Variants in CNTNAP2 observed in about 807,000 individuals in gnomAD.
CNTNAP2 encodes contactin-associated protein-like 2.
In CNTNAP2, 98 loss-of-function variants were observed where a neutral mutation model predicts 155.2. That is an observed-to-expected ratio of 0.63 (90% confidence interval 0.54 to 0.75). The LOEUF (loss-of-function observed/expected upper bound fraction) is 0.75. Among genes scored for constraint, CNTNAP2 ranks in the 30% least tolerant of loss-of-function variants. CNTNAP2 has a pLI of 0.00. For missense variants in CNTNAP2, 1,727 were observed against 1,688.1 expected, an observed-to-expected ratio of 1.02 and a Z score of -0.40; for synonymous variants, 651 against 631.2, an observed-to-expected ratio of 1.03 and a Z score of -0.47.
intron 1 of CNTNAP2, among the ~76,000 whole-genome samples, chr7:146,670,797 T>C (rs965479): frequency 0.091 from 13,819 of 152,174 alleles, 1,930 homozygotes; most frequent in African/African-American, 0.3. Context: ...ATTCTCACTA[T>C]AGTCATAGCT....
chr7:147,050,745 C>T (rs748980486), intron 4 of CNTNAP2, among the ~76,000 whole-genome samples: 8 of 152,114 alleles, frequency 5.3e-5, no homozygotes, highest in Non-Finnish European at 7.4e-5. Flanking sequence ...GTTCTGCAAT[C>T]TTAAGATGAA....
intron 3 of CNTNAP2, among the ~76,000 whole-genome samples, chr7:146,883,684 TATA>T (rs1795599005): frequency 6.6e-6 from 1 of 152,126 alleles, no homozygotes; most frequent in Non-Finnish European, 1.5e-5. Context: ...CTTGTTAGGT[TATA>T]ATAAATGTAC....
At chr7:146,760,409 CTTTTTTTTTTTTTTTTTTTTT>C (rs532820418) in intron 1 of CNTNAP2, among the ~76,000 whole-genome samples, 1 of 56,276 alleles carries the variant, frequency 1.8e-5, no homozygotes, top group Non-Finnish European at 3.0e-5. Context: ...TCCAATTTAC[CTTTTTTTTTTTTTTTTTTTTT>C]TTTTTTTTTT....
At chr7:146,402,177 C>A (rs1795724211) in intron 1 of CNTNAP2, among the ~76,000 whole-genome samples, 1 of 152,068 alleles carries the variant, frequency 6.6e-6, no homozygotes, top group Admixed American at 6.6e-5. Flanking sequence ...AGTGTGCGTT[C>A]ATTTCATGCT....
At chr7:146,631,053 AAAAC>A (rs1251642815) in intron 1 of CNTNAP2, among the ~76,000 whole-genome samples, 1 of 152,156 alleles carries the variant, frequency 6.6e-6, no homozygotes, top group Non-Finnish European at 1.5e-5. Context: ...AATTAGAAAA[AAAAC>A]TACTTTAAAT....
At chr7:147,564,601 AAAG>A (rs1159457569) in intron 12 of CNTNAP2, among the ~76,000 whole-genome samples, 1 of 152,162 alleles carries the variant, frequency 6.6e-6, no homozygotes, top group African/African-American at 2.4e-5. Context: ...AATTCATCTC[AAAG>A]GAAATTAGAA....
chr7:147,536,089 C>CT (rs1384766972), intron 11 of CNTNAP2, among the ~76,000 whole-genome samples: 1 of 152,198 alleles, frequency 6.6e-6, no homozygotes, highest in Non-Finnish European at 1.5e-5. Flanking sequence ...GTGGCAGGAA[C>CT]TAAGCTACCC....
chr7:146,778,789 A>C (rs1308963779), intron 2 of CNTNAP2, among the ~76,000 whole-genome samples: 1 of 152,196 alleles, frequency 6.6e-6, no homozygotes, highest in Non-Finnish European at 1.5e-5. Flanking sequence ...TCTTCTGCCA[A>C]ACTTTCAACC....
chr7:146,648,361 C>G (rs1287474670), intron 1 of CNTNAP2, among the ~76,000 whole-genome samples: 1 of 152,046 alleles, frequency 6.6e-6, no homozygotes, highest in African/African-American at 2.4e-5. Context: ...AATGACTTTT[C>G]TCTTTGTAGT....
At chr7:147,729,407 C>T (rs10255542) in intron 13 of CNTNAP2, among the ~76,000 whole-genome samples, 56,844 of 116,846 alleles carry the variant, frequency 0.49, 13,101 homozygotes, top group African/African-American at 0.69. Flanking sequence ...AGAAAACATG[C>T]ACACACACGC....
chr7:146,218,692 C>A (rs547845669), intron 1 of CNTNAP2, among the ~76,000 whole-genome samples: 2 of 152,224 alleles, frequency 1.3e-5, no homozygotes, highest in South Asian at 4.1e-4. Context: ...TAGTCTAACA[C>A]TTCAAATGTG....
chr7:147,008,468 A>G (rs1432399688), intron 3 of CNTNAP2, among the ~76,000 whole-genome samples: 1 of 152,070 alleles, frequency 6.6e-6, no homozygotes, highest in Non-Finnish European at 1.5e-5. Context: ...TGGAAAAAAT[A>G]TTTTTCCTCT....
chr7:148,247,222 G>A (rs1796277765), intron 20 of CNTNAP2, among the ~76,000 whole-genome samples: 1 of 152,012 alleles, frequency 6.6e-6, no homozygotes, highest in Non-Finnish European at 1.5e-5. Flanking sequence ...TACTAGTTAT[G>A]GAAAACATGC....
intron 15 of CNTNAP2, among the ~76,000 whole-genome samples, chr7:148,058,612 C>T (rs1052297546): frequency 6.6e-6 from 1 of 152,064 alleles, no homozygotes; most frequent in Non-Finnish European, 1.5e-5. Flanking sequence ...TCTGCATATC[C>T]GAGAGTGGTC....
At chr7:147,199,281 C>T (rs35265883) in intron 8 of CNTNAP2, among the ~76,000 whole-genome samples, 2 of 152,000 alleles carry the variant, frequency 1.3e-5, no homozygotes, top group Non-Finnish European at 2.9e-5. Context: ...ATCTTAGCAT[C>T]ATAGCATGAG....
At chr7:146,827,694 T>C (rs1421420064) in intron 2 of CNTNAP2, among the ~76,000 whole-genome samples, 2 of 152,024 alleles carry the variant, frequency 1.3e-5, no homozygotes, top group Non-Finnish European at 2.9e-5. Context: ...AGCAGTAGAT[T>C]TGCACCCAGA....
chr7:146,352,699 A>AC (rs112214893), intron 1 of CNTNAP2, among the ~76,000 whole-genome samples: 1 of 147,410 alleles, frequency 6.8e-6, no homozygotes, highest in Non-Finnish European at 1.5e-5. Flanking sequence ...TGAGGTAAAA[A>AC]AAAATGAAAT....
intron 8 of CNTNAP2, among the ~76,000 whole-genome samples, chr7:147,240,536 A>C (rs1381714478): frequency 2.0e-5 from 3 of 152,178 alleles, no homozygotes; most frequent in African/African-American, 7.2e-5. Context: ...AATTAAGTTA[A>C]TTACTTACTG....
chr7:146,322,177 G>A (rs561006459), intron 1 of CNTNAP2, among the ~76,000 whole-genome samples: 1 of 152,224 alleles, frequency 6.6e-6, no homozygotes, highest in South Asian at 2.1e-4. Context: ...AATACTAGTG[G>A]TTTCAATCTA....
Sources: gnomAD v4.1 joint callset for allele counts (sites outside exome capture counted in the v4.1 genomes callset) on GRCh38, gnomAD v4.1.1 for gene constraint, MANE v1.5 for transcripts, NCBI Gene and HGNC (gene_info 2026-07-23, HGNC 2026-07-21) for gene names.